Variants in RSRC1 observed in about 807,000 individuals in gnomAD.
The protein encoded by RSRC1 is arginine and serine rich coiled-coil 1, also known as serine/Arginine-related protein 53.
In RSRC1, 39 loss-of-function variants were observed where a neutral mutation model predicts 49.1. The ratio of observed to expected loss-of-function variants is 0.79; its 90% CI spans 0.61 to 1.04. The LOEUF (loss-of-function observed/expected upper bound fraction) is 1.04. RSRC1 is among the 50% of genes least tolerant of loss of function. RSRC1 has a pLI of 0.00. For missense variants in RSRC1, 388 were observed against 402.4 expected (o/e 0.96, Z 0.31); for synonymous variants, 143 against 130.8 (o/e 1.09, Z -0.63).
chr3:158,530,824 G>C (rs1712343051), intron 7 of RSRC1, among the ~76,000 whole-genome samples: 1 of 148,758 alleles, frequency 6.7e-6, no homozygotes, highest in Non-Finnish European at 1.5e-5. Flanking sequence ...CAGCGCACCA[G>C]CATGGCACGT....
chr3:158,250,331 A>C (rs1724137755), intron 4 of RSRC1, among the ~76,000 whole-genome samples: 1 of 152,216 alleles, frequency 6.6e-6, no homozygotes, highest in South Asian at 2.1e-4. Context: ...TTATATACCT[A>C]GCAGTGGGAT....
At chr3:158,311,655 C>A (rs1728135899) in intron 5 of RSRC1, among the ~76,000 whole-genome samples, 1 of 151,830 alleles carries the variant, frequency 6.6e-6, no homozygotes, top group Non-Finnish European at 1.5e-5. Context: ...AGCATGGTGA[C>A]TAGAGTTAAT....
intron 4 of RSRC1, among the ~76,000 whole-genome samples, chr3:158,259,907 A>G (rs1184722954): frequency 6.6e-6 from 1 of 151,980 alleles, no homozygotes; most frequent in East Asian, 1.9e-4. Context: ...ATGCTCACCC[A>G]AGGTTAAGGG....
chr3:158,370,872 T>C (rs1732030397), intron 6 of RSRC1, among the ~76,000 whole-genome samples: 1 of 151,914 alleles, frequency 6.6e-6, no homozygotes, highest in Non-Finnish European at 1.5e-5. Context: ...TCCAAATTGG[T>C]TGTATCAGTT....
chr3:158,462,351 T>A (rs894692357), intron 7 of RSRC1, among the ~76,000 whole-genome samples: 1 of 151,954 alleles, frequency 6.6e-6, no homozygotes, highest in Non-Finnish European at 1.5e-5. Flanking sequence ...TAAGTACTGC[T>A]ATGTTGTGTG....
At chr3:158,318,531 C>T (rs1728590554) in intron 5 of RSRC1, among the ~76,000 whole-genome samples, 2 of 152,260 alleles carry the variant, frequency 1.3e-5, no homozygotes, top group South Asian at 4.1e-4. Flanking sequence ...AGTTCTGTAG[C>T]AGTTTTCAAG....
At chr3:158,139,715 C>T (rs1203174931) in intron 3 of RSRC1, among the ~76,000 whole-genome samples, 1 of 149,826 alleles carries the variant, frequency 6.7e-6, no homozygotes, top group African/African-American at 2.5e-5. Context: ...CTTACTGCAA[C>T]CTCCGCCTCC....
chr3:158,185,321 C>G (rs1278187343), intron 3 of RSRC1, among the ~76,000 whole-genome samples: 2 of 152,084 alleles, frequency 1.3e-5, no homozygotes, highest in African/African-American at 2.4e-5. Flanking sequence ...GGACTTCTCT[C>G]TAACTCTCCA....
rs1347257988 is a variant in RSRC1, at chr3:158,457,746, T to TG, written c.584-3189_584-3188insG. Reference sequence around the variant, plus strand: ...GTGTTTTGTGTTTTTTTTTGTTTTTTTTTTTTGTTTGTTTTTTAATATATA... The same window carrying TG: ...GTGTTTTGTGTTTTTTTTTGTTTTTTGTTTTTTGTTTGTTTTTTAATATATA... On this transcript the variant is annotated intron_variant, in intron 6 of 9. Transcript: ENST00000611884. Among the ~76,000 whole-genome samples, 344 of 140,242 alleles carry TG rather than the reference T, an allele frequency of 2.5e-3. 2 individuals are homozygous for TG. The highest frequency in any genetic ancestry group is 9.8e-3 in the African/African-American group (331 of 33,714). The allele number at this position is 140,242 out of a possible 152,430, so 92.0% of individuals were successfully genotyped here.
At chr3:158,217,297 A>AC (rs1343495178) in intron 4 of RSRC1, among the ~76,000 whole-genome samples, 2 of 151,602 alleles carry the variant, frequency 1.3e-5, no homozygotes, top group Non-Finnish European at 3.0e-5. Flanking sequence ...ACAACATTAG[A>AC]CTGGTATGTG....
intron 5 of RSRC1, among the ~76,000 whole-genome samples, chr3:158,347,287 A>T (rs1453787730): frequency 1.3e-5 from 2 of 152,148 alleles, no homozygotes; most frequent in Admixed American, 6.5e-5. Context: ...AAATTTTTTG[A>T]ACAAATGAAA....
chr3:158,208,913 T>C (rs1721501494), intron 4 of RSRC1, among the ~76,000 whole-genome samples: 1 of 152,180 alleles, frequency 6.6e-6, no homozygotes, highest in Non-Finnish European at 1.5e-5. Flanking sequence ...TTGGACCTTC[T>C]TTACCTACAT....
intron 6 of RSRC1, among the ~76,000 whole-genome samples, chr3:158,369,654 G>A (rs1374870102): frequency 6.6e-6 from 1 of 151,976 alleles, no homozygotes; most frequent in Non-Finnish European, 1.5e-5. Context: ...AGAGTGGATG[G>A]CAACAAATAA....
At chr3:158,252,715 G>T (rs932157638) in intron 4 of RSRC1, among the ~76,000 whole-genome samples, 2 of 152,068 alleles carry the variant, frequency 1.3e-5, no homozygotes, top group African/African-American at 4.8e-5. Context: ...ATTGAGTCAT[G>T]GGCTTTTCTT....
intron 6 of RSRC1, among the ~76,000 whole-genome samples, chr3:158,450,353 A>G (rs977875211): frequency 5.3e-5 from 6 of 112,812 alleles, no homozygotes; most frequent in African/African-American, 1.9e-4. Context: ...TTTTGCTTTT[A>G]CACAGCCAGT....
intron 6 of RSRC1, among the ~76,000 whole-genome samples, chr3:158,389,381 G>T (rs1733149651): frequency 6.6e-6 from 1 of 152,094 alleles, no homozygotes; most frequent in Admixed American, 6.6e-5. Context: ...ATTCAATTGT[G>T]GACAAAGCTG....
At chr3:158,342,385 A>G (rs1730300288) in intron 5 of RSRC1, among the ~76,000 whole-genome samples, 1 of 152,182 alleles carries the variant, frequency 6.6e-6, no homozygotes, top group African/African-American at 2.4e-5. Context: ...TTCTCGTGAT[A>G]GTGAATAAGT....
chr3:158,352,796 C>T (rs987111861), intron 5 of RSRC1, among the ~76,000 whole-genome samples: 5 of 152,122 alleles, frequency 3.3e-5, no homozygotes, highest in African/African-American at 1.2e-4. Context: ...TTAGTTGGGG[C>T]ATGTGCTTCA....
At chr3:158,323,560 T>C (rs1728886164) in intron 5 of RSRC1, among the ~76,000 whole-genome samples, 1 of 152,204 alleles carries the variant, frequency 6.6e-6, no homozygotes. Flanking sequence ...CCATTAAATG[T>C]CTACTTGTTC....
Sources: allele counts gnomAD v4.1 joint callset (sites outside exome capture counted in the v4.1 genomes callset), GRCh38; gene constraint gnomAD v4.1.1; transcripts MANE v1.5; gene names NCBI Gene and HGNC (gene_info 2026-07-23, HGNC 2026-07-21).